TTN: variants seen among roughly 807,000 people sequenced by gnomAD.
TTN encodes the protein connectin.
In TTN, 1,525 loss-of-function variants were observed where a neutral mutation model predicts 3,223.0. The observed-to-expected ratio is 0.47, with a 90% CI of 0.45 to 0.49. The LOEUF is 0.49. TTN is among the 20% of genes least tolerant of loss of function. The pLI is 0.00. For missense variants in TTN, 40,786 were observed against 43,424.0 expected (o/e 0.94, Z 5.40); for synonymous variants, 14,094 against 15,161.0 (o/e 0.93, Z 5.17).
chr2:178,682,135 T>TA (rs2069566084), intron 135 of TTN, among the ~76,000 whole-genome samples: 1 of 152,074 alleles, frequency 6.6e-6, no homozygotes, highest in East Asian at 1.9e-4. Context: ...ATTCTTTGAG[T>TA]AAAATAAACA....
chr2:178,756,887 G>T, intron 45 of TTN, 90 bp from the exon 46 acceptor site: 1 of 1,176,778 alleles, frequency 8.5e-7, no homozygotes, highest in South Asian at 1.5e-5. Context: ...TGGCATGGAA[G>T]ATGAAGATGA....
Position 178,729,896 on chromosome 2 carries a change from A to G in TTN, c.18357T>C (p.Asn6119=). ...GGCATTCAAATGTTGTTGACTGTCC[A>G]TTCCTCAGCACTAAGACTGGACTGG... ...KKPSPVLVLR[N]GQSTTFECQI... Residue 6119 remains asparagine (N), a synonymous_variant, in exon 63 of 363, where the codon AAT becomes AAC. Transcript: ENST00000589042. 1 of 1,613,478 alleles carries G rather than the reference A, an allele frequency of 6.2e-7. No individual in the cohort carries two copies. Among genetic ancestry groups the G allele is most frequent in the Non-Finnish European group, 8.5e-7 (1 of 1,179,680 alleles).
chr2:178,774,744 T>C (rs2092004244), intron 29 of TTN, 177 bp downstream of exon 29: 2 of 832,260 alleles, frequency 2.4e-6, no homozygotes, highest in African/African-American at 1.7e-5. Context: ...AAAATCCAAA[T>C]GGTCAAATTG....
chr2:178,568,688 A>C lies in TTN; in HGVS notation c.77444T>G (p.Leu25815Trp). 6.2e-7 allele frequency: 1 copy of C among 1,613,336 alleles called. No individual in the cohort carries two copies. Among genetic ancestry groups the C allele is most frequent in the Admixed American group, 1.7e-5 (1 of 59,960 alleles). The change falls in exon 326 of 363, where the codon TTG becomes TGG. Residue 25815 changes from leucine to tryptophan, a missense_variant. By Grantham distance (61) the Leu-to-Trp change is moderately conservative (BLOSUM62 -2). Coordinates refer to ENST00000589042, the MANE Select transcript of TTN (RefSeq NM_001267550.2). Reference protein sequence around the residue: ...SSYSVQVGQDLKIEVPISGRP... With the variant: ...SSYSVQVGQDWKIEVPISGRP... ...TCCAGAAATTGGCACTTCTATTTTC[A>C]AATCTTGGCCAACCTGTACACTGTA...
chr2:178,776,497 A>C lies in TTN; in HGVS notation c.5367T>G (p.Ser1789=). The part of the protein sequence containing the change: ...ATNKYGTDHT[S]ATLIVKDEKS... The stretch of plus-strand genomic sequence containing the variant: ...TCTCATCTTTAACAATAAGGGTAGC[A>C]GATGTGTGATCTGTTCCATATTTGT... Residue 1789 remains serine, a synonymous_variant, in exon 28 of 363, where the codon TCT becomes TCG. Coordinates refer to ENST00000589042, the MANE Select transcript of TTN (RefSeq NM_001267550.2). 1 of 1,608,454 alleles carries C rather than the reference A, an allele frequency of 6.2e-7. No homozygotes were observed. Among genetic ancestry groups the C allele is most frequent in the Non-Finnish European group, 8.5e-7 (1 of 1,179,980 alleles).
chr2:178,682,742 C>T lies in TTN; in HGVS notation c.33049G>A (p.Glu11017Lys), dbSNP rs753930002. The change falls in exon 135 of 363, where the codon GAG becomes AAG. Residue 11017 changes from glutamate (E) to lysine (K), a missense_variant. Glu to Lys is a moderately conservative substitution (Grantham distance 56). Coordinates refer to ENST00000589042, the MANE Select transcript of TTN (RefSeq NM_001267550.2). ...TCTTCATATCGTTCATACTCCCGCT[C>T]CTCGTATTCTTCATATTGGTCATAT... ...EEYDQYEEYE[E>K]REYERYEEHE... 2.8e-5 allele frequency: 45 copies of T among 1,612,774 alleles called. No homozygotes were observed. Among genetic ancestry groups the T allele is most frequent in the Admixed American group, 1.8e-4 (11 of 59,942 alleles).
Position 178,589,615 on chromosome 2 carries a change from G to C in TTN, c.62110C>G (p.His20704Asp), listed in dbSNP as rs1553641034. The C allele has an allele frequency of 4.3e-6, 7 of 1,613,242 alleles. No homozygotes were observed. Among genetic ancestry groups the C allele is most frequent in the Middle Eastern group, 3.3e-4 (2 of 6,050 alleles). Residue 20704 changes from histidine (H) to aspartate (D), a missense_variant, in exon 304 of 363, where the codon CAT becomes GAT. His to Asp is a moderately conservative substitution (Grantham distance 81, BLOSUM62 -1). Coordinates refer to ENST00000589042, the MANE Select transcript of TTN (RefSeq NM_001267550.2). Reference protein sequence around the residue: ...YDGGSPNLSYHVERRLKGSDD... With the variant: ...YDGGSPNLSYDVERRLKGSDD... ...GAGCCCTTAAGCCTTCTCTCAACAT[G>C]ATATGACAGATTTGGACTGCCACCA...
At chr2:178,553,833 A>G (rs1281613718) in intron 333 of TTN, 26 bp from the exon 334 acceptor site, 1 of 1,566,032 alleles carries the variant, frequency 6.4e-7, no homozygotes, top group Admixed American at 1.8e-5. Flanking sequence ...ACAATAAAAT[A>G]ATTACACAAT....
In TTN at chr2:178,534,641, C is replaced by T; in HGVS notation, c.101974G>A (p.Val33992Ile). Residue 33992 changes from valine to isoleucine, a missense_variant, in exon 358 of 363, where the codon GTC becomes ATC. Physicochemically the swap from Val to Ile is conservative, Grantham distance 29. Coordinates refer to ENST00000589042, the MANE Select transcript of TTN (RefSeq NM_001267550.2). ...YAPEVHQHDV[V>I]STATDMWSLG... The stretch of plus-strand genomic sequence containing the variant: ...GACCACATGTCTGTGGCTGTGCTGA[C>T]AACATCATGCTGGTGGACTTCAGGT... 6.2e-7 allele frequency: 1 copy of T among 1,613,598 alleles called. No homozygotes were observed. The highest frequency in any genetic ancestry group is 8.5e-7 in the Non-Finnish European group (1 of 1,179,576).
Position 178,739,548 on chromosome 2 carries a change from G to C in TTN, c.13685C>G (p.Ser4562Cys). Residue 4562 changes from serine to cysteine, a missense_variant, in exon 48 of 363, where the codon TCT becomes TGT. Ser to Cys is a moderately radical substitution (Grantham distance 112). Coordinates refer to ENST00000589042, the MANE Select transcript of TTN (RefSeq NM_001267550.2). Reference sequence around the variant, plus strand: ...CAGACTCTCATCTTGTTTTTCGTCAGAGACAACAGCTGAAGCAACCCCTTT... The same window carrying C: ...CAGACTCTCATCTTGTTTTTCGTCACAGACAACAGCTGAAGCAACCCCTTT... The part of the protein sequence containing the change: ...VTKGVASAVV[S>C]DEKQDESLKP... 6.2e-7 allele frequency: 1 copy of C among 1,613,758 alleles called. No homozygotes were observed.
chr2:178,531,398 T>C lies in TTN; in HGVS notation c.105217A>G (p.Met35073Val). ...TCCCTGACAGAAGACGAAGCTTCCA[T>C]CTCAGATGTTTTCTTAAATGATGAA... ...AVSSFKKTSE[M>V]EASSSVREVK... The change falls in exon 358 of 363, where the codon ATG becomes GTG. Residue 35073 changes from methionine (M) to valine (V), a missense_variant. Coordinates refer to ENST00000589042, the MANE Select transcript of TTN (RefSeq NM_001267550.2). 2 of 1,614,008 alleles carry C rather than the reference T, an allele frequency of 1.2e-6. No individual in the cohort carries two copies. The highest frequency in any genetic ancestry group is 1.1e-5 in the South Asian group (1 of 91,082).
rs374106281 is a variant in TTN, at chr2:178,569,793, C to G, written c.76339G>C (p.Val25447Leu). 21 of 1,613,170 alleles carry G rather than the reference C, an allele frequency of 1.3e-5. No individual in the cohort carries two copies. Among genetic ancestry groups the G allele is most frequent in the Non-Finnish European group, 1.7e-5 (20 of 1,179,590 alleles). The change falls in exon 326 of 363, where the codon GTG becomes CTG. Residue 25447 changes from valine to leucine, a missense_variant. Coordinates refer to ENST00000589042, the MANE Select transcript of TTN (RefSeq NM_001267550.2). ...CACATTGTCCATTCACCAACACTCA[C>G]ATCACATTTTTCAACAATGTATCCT... ...IQGYIVEKCDVSVGEWTMCTP... is the reference protein window; with the variant it reads ...IQGYIVEKCDLSVGEWTMCTP...
chr2:178,789,597 C>T (rs1187561775), intron 12 of TTN, 100 bp from the exon 13 acceptor site: 2 of 1,474,520 alleles, frequency 1.4e-6, no homozygotes, highest in African/African-American at 1.4e-5. Context: ...GATGGTTATT[C>T]AGGGTTAAAT....
chr2:178,534,347 G>A lies in TTN; in HGVS notation c.102268C>T (p.His34090Tyr). 1 of 1,612,220 alleles carries A rather than the reference G, an allele frequency of 6.2e-7. No individual in the cohort carries two copies. Among genetic ancestry groups the A allele is most frequent in the Non-Finnish European group, 8.5e-7 (1 of 1,179,808 alleles). ...VSTKVIRTLK[H>Y]RRYYHTLIKK... ...ATCAGGGTGTGGTAATAACGCCGGT[G>A]TTTTAATGTTCTGATAACTTTAGTA... is the stretch of plus-strand genomic sequence containing the variant. Residue 34090 changes from histidine to tyrosine, a missense_variant, in exon 358 of 363, where the codon CAC becomes TAC. By Grantham distance (83) the His-to-Tyr change is moderately conservative. Coordinates refer to ENST00000589042, the MANE Select transcript of TTN (RefSeq NM_001267550.2).
Position 178,576,766 on chromosome 2 carries a change from A to G in TTN, c.69478T>C (p.Trp23160Arg). Residue 23160 changes from tryptophan (W) to arginine (R), a missense_variant, in exon 325 of 363, where the codon TGG becomes CGG. Coordinates refer to ENST00000589042, the MANE Select transcript of TTN (RefSeq NM_001267550.2). The surrounding 1 kb of genome is among the most constrained non-coding windows in gnomAD (Gnocchi z 4.3). ...CCACCATCATCCACTGGCCTTTTCCAGCTGACAGTGGCAGTGTTCTTAGTG... is the reference window on the plus strand; with the variant it reads ...CCACCATCATCCACTGGCCTTTTCCGGCTGACAGTGGCAGTGTTCTTAGTG... ...NVTKNTATVS[W>R]KRPVDDGGSE... 6.2e-7 allele frequency: 1 copy of G among 1,613,458 alleles called. No individual in the cohort carries two copies. Among genetic ancestry groups the G allele is most frequent in the Non-Finnish European group, 8.5e-7 (1 of 1,179,622 alleles).
chr2:178,727,456 A>C (rs1047524777), intron 68 of TTN, 85 bp from the exon 69 acceptor site: 3 of 1,504,776 alleles, frequency 2.0e-6, no homozygotes, highest in African/African-American at 2.8e-5. Flanking sequence ...CAAGAGAAAA[A>C]CATGAGCAAA....
At position 178,559,626 on chromosome 2, in the gene TTN, G is replaced by C. The variant is rs1335461948; in HGVS notation, c.86506C>G (p.Leu28836Val). ...TCTAAAACTTTGACAACTAAGGTCA[G>C]TGAAGCAGCACTCAAAACATTCTGA... ...TIQNVLSAAS[L>V]TLVVKVLDTP... Residue 28836 changes from leucine to valine, a missense_variant, in exon 326 of 363, where the codon CTG becomes GTG. By Grantham distance (32) the Leu-to-Val change is conservative (BLOSUM62 1). Coordinates refer to ENST00000589042, the MANE Select transcript of TTN (RefSeq NM_001267550.2). 6.2e-7 allele frequency: 1 copy of C among 1,613,720 alleles called. No homozygotes were observed. The highest frequency in any genetic ancestry group is 8.5e-7 in the Non-Finnish European group (1 of 1,179,800).
rs1162425021 is a variant in TTN, at chr2:178,578,572, C to A, written c.68329+39G>T. The A allele has an allele frequency of 6.8e-6, 10 of 1,461,782 alleles. No homozygotes were observed. The East Asian group carries it at 2.3e-4, about 34-fold the overall frequency. The allele number at this position is 1,461,782 out of a possible 1,614,324, so 90.6% of individuals were successfully genotyped here. ...TCTCAGGGAAATATTTGTGAGGAATCTTGATGTAAAAGCTGTAGGATAAGA... is the reference window on the plus strand; with the variant it reads ...TCTCAGGGAAATATTTGTGAGGAATATTGATGTAAAAGCTGTAGGATAAGA... On this transcript the variant is annotated intron_variant, in intron 321 of 362. Coordinates refer to ENST00000589042, the MANE Select transcript of TTN (RefSeq NM_001267550.2).
In TTN at chr2:178,714,121, G is replaced by C; in HGVS notation, c.26537C>G (p.Thr8846Ser). The C allele has an allele frequency of 6.2e-7, 1 of 1,613,662 alleles. No individual in the cohort carries two copies. Among genetic ancestry groups the C allele is most frequent in the Non-Finnish European group, 8.5e-7 (1 of 1,179,712 alleles). Residue 8846 changes from threonine to serine, a missense_variant, in exon 92 of 363, where the codon ACC becomes AGC. Thr to Ser is a moderately conservative substitution (Grantham distance 58). Transcript: ENST00000589042. ...AGCTACTGTACACTCCAAGGTACAG[G>C]TGTCTCCCGTGGTAACTTTTATGGA... ...PESIKVTTGD[T>S]CTLECTVAGT...
Sources: gnomAD v4.1 joint callset for allele counts (sites outside exome capture counted in the v4.1 genomes callset) on GRCh38, gnomAD v4.1.1 for gene constraint, Gnocchi (gnomAD v3.1) non-coding constraint, MANE v1.5 for transcripts, NCBI Gene and HGNC (gene_info 2026-07-23, HGNC 2026-07-21) for gene names.